RCSD1: variants seen among roughly 807,000 people sequenced by gnomAD.
RCSD1 encodes the protein capZ-interacting protein.
Under a neutral mutation model 42.5 loss-of-function variants are expected in RCSD1, and 26 were observed. The observed-to-expected ratio is 0.61, with a 90% confidence interval of 0.45 to 0.85. The LOEUF is 0.85. Among genes scored for constraint, RCSD1 ranks in the 40% least tolerant of loss-of-function variants. RCSD1 has a pLI of 0.00. For synonymous variants in RCSD1, 220 were observed against 212.2 expected (o/e 1.04, Z -0.32); for missense variants, 571 against 528.3 (o/e 1.08, Z -0.79).
chr1:167,666,270 G>C (rs1658654392), intron 1 of RCSD1, among the ~76,000 whole-genome samples: 1 of 152,050 alleles, frequency 6.6e-6, no homozygotes. Flanking sequence ...CAGTTACTTG[G>C]GCTCCTGAGT....
chr1:167,638,976 G>A (rs1657931828), intron 1 of RCSD1, among the ~76,000 whole-genome samples: 1 of 152,200 alleles, frequency 6.6e-6, no homozygotes, highest in Non-Finnish European at 1.5e-5. Context: ...CCAGCTCTTT[G>A]GGAGGGCAAG....
chr1:167,664,815 G>A (rs754053631), intron 1 of RCSD1: 13 of 152,258 alleles, frequency 8.5e-5, no homozygotes, highest in African/African-American at 2.9e-4. Flanking sequence ...CAAGGCGGGT[G>A]GATCAACTGA....
chr1:167,659,084 T>C (rs1343588183), intron 1 of RCSD1, among the ~76,000 whole-genome samples: 1 of 152,190 alleles, frequency 6.6e-6, no homozygotes, highest in Non-Finnish European at 1.5e-5. Context: ...CTCCCTCTCC[T>C]TCCCACCGCC....
At chr1:167,704,593 C>T (rs372888659) in intron 6 of RCSD1, 71 bp from the exon 7 acceptor site, 1 of 1,285,422 alleles carries the variant, frequency 7.8e-7, no homozygotes, top group Non-Finnish European at 1.1e-6. Context: ...CCATCATCCC[C>T]AAGGAGGGAT....
chr1:167,658,706 C>T (rs187826567), intron 1 of RCSD1, among the ~76,000 whole-genome samples: 68 of 152,300 alleles, frequency 4.5e-4, no homozygotes, highest in African/African-American at 1.5e-3. Flanking sequence ...GCTGGGATTA[C>T]AAGCATGAGT....
At position 167,683,103 on chromosome 1, in the gene RCSD1, G is replaced by A. The variant is rs79140600; in HGVS notation, c.7-797G>A. Among the ~76,000 whole-genome samples the A allele has an allele frequency of 6.7e-3, 1,016 of 152,302 alleles. 14 individuals carry two copies. Among genetic ancestry groups the A allele is most frequent in the African/African-American group, 0.023 (976 of 41,554 alleles). ...GCATCTTGGCCTCTTCAGGGAACCT[G>A]GGGGCACCTCAATGGAGGGACAGCC... On this transcript the variant is annotated intron_variant, in intron 1 of 6. Transcript: ENST00000367854.
chr1:167,695,102 A>T (rs1659465827), intron 5 of RCSD1, among the ~76,000 whole-genome samples: 1 of 152,220 alleles, frequency 6.6e-6, no homozygotes, highest in South Asian at 2.1e-4. Context: ...GTGTAAAAAC[A>T]GGGAGGACTC....
In RCSD1 at chr1:167,704,940, C is replaced by G; in HGVS notation, c.*244C>G. The G allele has an allele frequency of 2.1e-6, 1 of 472,816 alleles. No homozygotes were observed. Among genetic ancestry groups the G allele is most frequent in the Non-Finnish European group, 3.9e-6 (1 of 255,730 alleles). The allele number at this position is 472,816 out of a possible 1,614,324, so 29.3% of individuals were successfully genotyped here. ...GCTTGAGTTTATGTCATTTGATGGA[C>G]TTGGTTCAACAACAAGAACTTACTT... is the stretch of plus-strand genomic sequence containing the variant. On this transcript the variant is annotated 3_prime_UTR_variant, in exon 7 of 7. Transcript: ENST00000367854.
At chr1:167,702,704 A>G (rs779354169) in intron 6 of RCSD1, among the ~76,000 whole-genome samples, 11 of 152,178 alleles carry the variant, frequency 7.2e-5, no homozygotes, top group Non-Finnish European at 1.6e-4. Context: ...GCTTGAACCC[A>G]GGAGGTGGAG....
At chr1:167,687,812 T>G in intron 3 of RCSD1, among the ~76,000 whole-genome samples, 1 of 152,228 alleles carries the variant, frequency 6.6e-6, no homozygotes, top group East Asian at 1.9e-4. Context: ...ACCTGCTGAC[T>G]GCAGGGCCCC....
intron 1 of RCSD1, among the ~76,000 whole-genome samples, chr1:167,670,105 G>A (rs1335724111): frequency 1.3e-5 from 2 of 152,092 alleles, no homozygotes; most frequent in Admixed American, 6.5e-5. Context: ...CAGGACTCCA[G>A]GCAATCCTGG....
chr1:167,700,905 C>T (rs1659621703), intron 6 of RCSD1, among the ~76,000 whole-genome samples: 1 of 152,186 alleles, frequency 6.6e-6, no homozygotes, highest in Admixed American at 6.5e-5. Context: ...CTGACAGCAT[C>T]TTCCAATCCT....
At chr1:167,676,831 G>C (rs1658963654) in intron 1 of RCSD1, among the ~76,000 whole-genome samples, 1 of 152,222 alleles carries the variant, frequency 6.6e-6, no homozygotes, top group African/African-American at 2.4e-5. Context: ...GTTTCCCACA[G>C]TGTGAGAACA....
At chr1:167,699,037 A>T (rs1385415211) in intron 6 of RCSD1, among the ~76,000 whole-genome samples, 4 of 151,960 alleles carry the variant, frequency 2.6e-5, no homozygotes, top group Non-Finnish European at 4.4e-5. Context: ...TGACCTCATG[A>T]TCCACCTGCC....
At chr1:167,667,462 G>C (rs892240178) in intron 1 of RCSD1, among the ~76,000 whole-genome samples, 1 of 152,138 alleles carries the variant, frequency 6.6e-6, no homozygotes, top group Non-Finnish European at 1.5e-5. Flanking sequence ...ATATCAAGCA[G>C]CAAACAGATA....
At chr1:167,689,284 C>T (rs544080875) in intron 3 of RCSD1, among the ~76,000 whole-genome samples, 43 of 152,146 alleles carry the variant, frequency 2.8e-4, no homozygotes, top group African/African-American at 1.0e-3. Context: ...GAGTTCGAGA[C>T]CAACCTGGCC....
chr1:167,708,315 T>C lies in RCSD1; in HGVS notation c.*3619T>C, dbSNP rs552910934. Among the ~76,000 whole-genome samples the C allele has an allele frequency of 1.5e-4, 23 of 152,300 alleles. No individual in the cohort carries two copies. The highest frequency in any genetic ancestry group is 2.2e-4 in the Non-Finnish European group (15 of 68,022). On this transcript the variant is annotated 3_prime_UTR_variant, in exon 7 of 7. Transcript: ENST00000367854. ...GGCAAAAAACAACAGCTGTTTCCCA[T>C]AGGGCAAAACCTGAAACACCCAATT...
chr1:167,676,329 G>A (rs953712094), intron 1 of RCSD1, among the ~76,000 whole-genome samples: 6 of 152,194 alleles, frequency 3.9e-5, no homozygotes, highest in African/African-American at 1.4e-4. Flanking sequence ...TGCCATCCAT[G>A]GAAGAAGGGC....
intron 1 of RCSD1, among the ~76,000 whole-genome samples, chr1:167,659,082 C>A (rs919184061): frequency 6.6e-6 from 1 of 152,210 alleles, no homozygotes; most frequent in Admixed American, 6.5e-5. Flanking sequence ...CTCTCCCTCT[C>A]CTTCCCACCG....
Sources: allele counts gnomAD v4.1 joint callset (sites outside exome capture counted in the v4.1 genomes callset), GRCh38; gene constraint gnomAD v4.1.1; transcripts MANE v1.5; gene names NCBI Gene and HGNC (gene_info 2026-07-23, HGNC 2026-07-21).